OR9K2: variants seen among roughly 807,000 people sequenced by gnomAD.
OR9K2 encodes the protein olfactory receptor family 9 subfamily K member 2.
A neutral mutation model predicts 12.4 loss-of-function variants in OR9K2; 16 were observed. The observed-to-expected ratio is 1.29, with a 90% CI of 0.87 to 1.95. OR9K2 has a LOEUF of 1.95. Among genes scored for constraint, OR9K2 ranks in the 30% most tolerant of loss-of-function variants. The pLI is 0.00. For synonymous variants in OR9K2, 133 were observed against 133.2 expected, an observed-to-expected ratio of 1.00 and a Z score of 0.01; for missense variants, 434 against 376.5, an observed-to-expected ratio of 1.15 and a Z score of -1.26.
Position 55,130,121 on chromosome 12 carries a change from C to G in OR9K2, c.287C>G (p.Ser96Cys). Residue 96 changes from serine (S) to cysteine (C), a missense_variant, in exon 3 of 3, where the codon TCC becomes TGC. Ser to Cys is a moderately radical substitution (Grantham distance 112). Transcript: ENST00000641329. ...INFWSENKSI[S>C]FAGCVAQLFL... Reference sequence around the variant, plus strand: ...TTCTGGTCTGAAAACAAGTCTATCTCCTTTGCAGGCTGTGTGGCCCAGCTC... The same window carrying G: ...TTCTGGTCTGAAAACAAGTCTATCTGCTTTGCAGGCTGTGTGGCCCAGCTC... The G allele has an allele frequency of 6.2e-7, 1 of 1,613,754 alleles. No homozygotes were observed. Among genetic ancestry groups the G allele is most frequent in the Non-Finnish European group, 8.5e-7 (1 of 1,180,002 alleles).
intron 2 of OR9K2, 73 bp downstream of exon 2, chr12:55,126,984 G>A (rs900574288): frequency 1.3e-5 from 2 of 151,820 alleles, no homozygotes; most frequent in Admixed American, 1.3e-4. Context: ...TGGCTTCTGC[G>A]GGAATAACTC....
Position 55,129,806 on chromosome 12 carries a change from T to C in OR9K2, c.-9-20T>C, listed in dbSNP as rs762696517. 1 of 1,600,362 alleles carries C rather than the reference T, an allele frequency of 6.2e-7. No individual in the cohort carries two copies. The highest frequency in any genetic ancestry group is 2.2e-5 in the East Asian group (1 of 44,842). On this transcript the variant is annotated intron_variant, in intron 2 of 2. Transcript: ENST00000641329. The stretch of plus-strand genomic sequence containing the variant: ...AAACCAAGAGTTCATTTGTATATTT[T>C]GCCCTGTGCCTCTCAACAGGTTTCT...
At position 55,130,286 on chromosome 12, in the gene OR9K2, C is replaced by T. The variant is rs755516930; in HGVS notation, c.452C>T (p.Ser151Phe). The T allele has an allele frequency of 4.3e-6, 7 of 1,613,886 alleles. No individual in the cohort carries two copies. The Admixed American group carries it at 1.0e-4, about 23-fold the overall frequency. ...TRLCTQLVAG[S>F]YFCGCISSVI... is the part of the protein sequence containing the mutation. ...CTGTGTACTCAGTTGGTGGCTGGTT[C>T]CTATTTTTGTGGCTGCATTAGCTCA... is the stretch of plus-strand genomic sequence containing the variant. Residue 151 changes from serine (S) to phenylalanine (F), a missense_variant, in exon 3 of 3, where the codon TCC becomes TTC. Coordinates refer to ENST00000641329, the MANE Select transcript of OR9K2 (RefSeq NM_001005243.2).
intron 2 of OR9K2, among the ~76,000 whole-genome samples, chr12:55,128,183 G>A (rs377602890): frequency 1.7e-4 from 26 of 151,856 alleles, no homozygotes; most frequent in African/African-American, 6.3e-4. Flanking sequence ...ATTGAATTTT[G>A]TCTTAAGTTA....
At position 55,132,723 on chromosome 12, in the gene OR9K2, T is replaced by A. The variant is rs943019691; in HGVS notation, c.*1947T>A. ...ACGTTCCTTGTTTGCAGATAACATA[T>A]CTATGTAGAAAATTAAAAATAATAA... On this transcript the variant is annotated 3_prime_UTR_variant, in exon 3 of 3. Coordinates refer to ENST00000641329, the MANE Select transcript of OR9K2 (RefSeq NM_001005243.2). The A allele has an allele frequency of 6.6e-6, 1 of 152,222 alleles. No individual in the cohort carries two copies. Among genetic ancestry groups the A allele is most frequent in the Admixed American group, 6.5e-5 (1 of 15,274 alleles). The allele number at this position is 152,222 out of a possible 1,614,324, so 9.4% of individuals were successfully genotyped here. A position where few individuals can be genotyped will look rare whatever the true frequency, so the allele number is the denominator to read the frequency against.
Position 55,129,931 on chromosome 12 carries a change from C to T in OR9K2, c.97C>T (p.Leu33=). The change falls in exon 3 of 3, where the codon CTA becomes TTA. Residue 33 remains leucine (L), a synonymous_variant. Transcript: ENST00000641329. ...AGAGCTCCACATTCTCCTCTTCCTG[C>T]TATTTTTGTTTGTTTATGCCATGAT... ...RPELHILLFL[L]FLFVYAMILL... The T allele has an allele frequency of 6.2e-7, 1 of 1,614,024 alleles. No individual in the cohort carries two copies. The highest frequency in any genetic ancestry group is 8.5e-7 in the Non-Finnish European group (1 of 1,179,944).
chr12:55,128,870 G>A (rs182278100), intron 2 of OR9K2, among the ~76,000 whole-genome samples: 7 of 152,280 alleles, frequency 4.6e-5, no homozygotes, highest in Non-Finnish European at 7.4e-5. Flanking sequence ...TCTTTTATCT[G>A]TGGAAGAGTT....
At chr12:55,128,735 G>T (rs1451955137) in intron 2 of OR9K2, among the ~76,000 whole-genome samples, 1 of 152,026 alleles carries the variant, frequency 6.6e-6, no homozygotes. Context: ...AACATACGAA[G>T]TTAAAAAATC....
chr12:55,127,148 C>T lies in OR9K2; in HGVS notation c.-10+237C>T, dbSNP rs181580666. Among the ~76,000 whole-genome samples the T allele has an allele frequency of 6.1e-4, 92 of 151,438 alleles. No individual in the cohort carries two copies. In the South Asian group the frequency reaches 0.013, roughly 21 times the overall value. On this transcript the variant is annotated intron_variant, in intron 2 of 2. Coordinates refer to ENST00000641329, the MANE Select transcript of OR9K2 (RefSeq NM_001005243.2). Reference sequence around the variant, plus strand: ...CTCATTATCATTCAGCTTTTTTCTACGTAATAATATGTATTGAATTATTGT... The same window carrying T: ...CTCATTATCATTCAGCTTTTTTCTATGTAATAATATGTATTGAATTATTGT...
At chr12:55,127,686 C>T (rs1241408865) in intron 2 of OR9K2, among the ~76,000 whole-genome samples, 1 of 151,930 alleles carries the variant, frequency 6.6e-6, no homozygotes, top group African/African-American at 2.4e-5. Context: ...GATTCTTCCC[C>T]TCAACTGAGA....
Position 55,129,822 on chromosome 12 carries a change from A to G in OR9K2, c.-9-4A>G. On this transcript the variant is annotated splice_polypyrimidine_tract_variant and splice_region_variant and intron_variant, in intron 2 of 2. Transcript: ENST00000641329. ...TGTATATTTTGCCCTGTGCCTCTCA[A>G]CAGGTTTCTACCATGGGTGACAGGG... 1.2e-6 allele frequency: 2 copies of G among 1,612,984 alleles called. No individual in the cohort carries two copies. Among genetic ancestry groups the G allele is most frequent in the Non-Finnish European group, 8.5e-7 (1 of 1,179,022 alleles).
rs1953447273 is a variant in OR9K2 at position 55,128,861 on chromosome 12, CTT to C, written c.-9-962_-9-961del. On this transcript the variant is annotated intron_variant, in intron 2 of 2. Coordinates refer to ENST00000641329, the MANE Select transcript of OR9K2 (RefSeq NM_001005243.2). ...TGCAGTATTAATTCCTAAAGTAACT[CTT>C]TTATCTGTGGAAGAGTTCTACTGTA... Among the ~76,000 whole-genome samples, 9 of 152,218 alleles carry C rather than the reference CTT, an allele frequency of 5.9e-5. No homozygotes were observed. The South Asian group carries it at 1.9e-3, about 32-fold the overall frequency.
intron 2 of OR9K2, 196 bp from the exon 3 acceptor site, chr12:55,129,630 A>T (rs11171309): frequency 1.5e-6 from 1 of 648,752 alleles, no homozygotes; most frequent in Non-Finnish European, 2.6e-6. Flanking sequence ...ACTTAAAGAA[A>T]TAAGAAATGC....
At chr12:55,129,601 C>CA in intron 2 of OR9K2, 2 of 594,380 alleles carry the variant, frequency 3.4e-6, no homozygotes, top group Non-Finnish European at 5.9e-6. Context: ...GATGCAGAGG[C>CA]AAAAAACCTA....
chr12:55,129,392 C>G (rs938651571), intron 2 of OR9K2, among the ~76,000 whole-genome samples: 1 of 151,886 alleles, frequency 6.6e-6, no homozygotes, highest in Admixed American at 6.6e-5. Context: ...TTTTCCTAAA[C>G]TTGGCTACTA....
rs760279956 is a variant in OR9K2, at chr12:55,129,984, C to T, written c.150C>T (p.Thr50=). The change falls in exon 3 of 3, where the codon ACC becomes ACT. Residue 50 remains threonine, a synonymous_variant. Coordinates refer to ENST00000641329, the MANE Select transcript of OR9K2 (RefSeq NM_001005243.2). Reference sequence around the variant, plus strand: ...TTCTAGGGAATGTTGGGATGATGACCATTATTATGACTGATCCTCGGCTGA... The same window carrying T: ...TTCTAGGGAATGTTGGGATGATGACTATTATTATGACTGATCCTCGGCTGA... The part of the protein sequence containing the change: ...MILLGNVGMM[T]IIMTDPRLNT... The T allele has an allele frequency of 5.0e-6, 8 of 1,613,784 alleles. No individual in the cohort carries two copies. The highest frequency in any genetic ancestry group is 6.8e-6 in the Non-Finnish European group (8 of 1,179,918).
chr12:55,129,045 C>T (rs1323922336), intron 2 of OR9K2, among the ~76,000 whole-genome samples: 1 of 152,128 alleles, frequency 6.6e-6, no homozygotes, highest in African/African-American at 2.4e-5. Context: ...ATGATCTGTA[C>T]AGCAAAACCC....
Position 55,130,681 on chromosome 12 carries a change from A to G in OR9K2, c.847A>G (p.Thr283Ala). Residue 283 changes from threonine to alanine, a missense_variant, in exon 3 of 3, where the codon ACT (threonine) becomes GCT (alanine). Thr to Ala is a moderately conservative substitution (Grantham distance 58). Coordinates refer to ENST00000641329, the MANE Select transcript of OR9K2 (RefSeq NM_001005243.2). The part of the protein sequence containing the change: ...KVASLCYSLV[T>A]PMLNPLIYSL... ...GGCATCCTTATGTTACTCCCTAGTC[A>G]CTCCCATGTTGAATCCTTTGATTTA... 6.2e-7 allele frequency: 1 copy of G among 1,612,196 alleles called. No individual in the cohort carries two copies. The highest frequency in any genetic ancestry group is 8.5e-7 in the Non-Finnish European group (1 of 1,178,572).
At position 55,129,809 on chromosome 12, in the gene OR9K2, C is replaced by T. The variant is rs763900535; in HGVS notation, c.-9-17C>T. The T allele has an allele frequency of 2.0e-5, 32 of 1,612,128 alleles. No individual in the cohort carries two copies. The African/African-American group carries it at 2.3e-4, about 11-fold the overall frequency. The stretch of plus-strand genomic sequence containing the variant: ...CCAAGAGTTCATTTGTATATTTTGC[C>T]CTGTGCCTCTCAACAGGTTTCTACC... On this transcript the variant is annotated splice_polypyrimidine_tract_variant and intron_variant, in intron 2 of 2. Coordinates refer to ENST00000641329, the MANE Select transcript of OR9K2 (RefSeq NM_001005243.2).
Sources: allele counts gnomAD v4.1 joint callset (sites outside exome capture counted in the v4.1 genomes callset), GRCh38; gene constraint gnomAD v4.1.1; transcripts MANE v1.5; gene names NCBI Gene and HGNC (gene_info 2026-07-23, HGNC 2026-07-21).